Variants in HPGDS observed in about 807,000 individuals in gnomAD.
HPGDS encodes hematopoietic prostaglandin D synthase.
In HPGDS, 26 loss-of-function variants were observed where a neutral mutation model predicts 23.1. The observed-to-expected ratio is 1.13, with a 90% CI of 0.83 to 1.56. The LOEUF is 1.56. Ranked by LOEUF, HPGDS falls within the 40% of genes most tolerant of loss-of-function variation. The pLI, the probability that HPGDS is intolerant of heterozygous loss-of-function variation, is 0.00. For synonymous variants in HPGDS, 95 were observed against 77.9 expected (o/e 1.22, Z -1.16); for missense variants, 268 against 236.4 (o/e 1.13, Z -0.88).
chr4:94,340,618 G>C (rs11943935), intron 1 of HPGDS, among the ~76,000 whole-genome samples: 119,501 of 119,568 alleles, frequency 1, 59,719 homozygotes, highest in Middle Eastern at 1. Flanking sequence ...GGTTTACAGG[G>C]GTGAGCCACC....
intron 4 of HPGDS, among the ~76,000 whole-genome samples, chr4:94,304,612 C>G (rs1278149678): frequency 6.6e-6 from 1 of 152,066 alleles, no homozygotes; most frequent in Non-Finnish European, 1.5e-5. Context: ...AAATGAAATA[C>G]AGAACAGTGC....
chr4:94,333,882 C>T (rs570345557), intron 2 of HPGDS, among the ~76,000 whole-genome samples: 22 of 152,206 alleles, frequency 1.4e-4, no homozygotes, highest in African/African-American at 4.8e-4. Flanking sequence ...GTGTAAATTC[C>T]AATATCGGAA....
rs565862075 is a variant in HPGDS, at chr4:94,311,026, G to A, written c.227-2283C>T. 5.4e-4 allele frequency among the ~76,000 whole-genome samples: 82 copies of A among 152,292 alleles called. 1 individual carries two copies. The highest frequency in any genetic ancestry group is 1.9e-3 in the African/African-American group (78 of 41,556). On this transcript the variant is annotated intron_variant, in intron 3 of 5. Transcript: ENST00000295256. ...TGCTGAAGTTGCTTATCAGCTTAAGGAGATTTTTGGCTGAGATGATGGGGT... is the reference window on the plus strand; with the variant it reads ...TGCTGAAGTTGCTTATCAGCTTAAGAAGATTTTTGGCTGAGATGATGGGGT...
chr4:94,318,744 G>A lies in HPGDS; in HGVS notation c.134-779C>T, dbSNP rs11737482. Among the ~76,000 whole-genome samples the A allele has an allele frequency of 6.7e-3, 1,010 of 151,828 alleles. 7 individuals carry two copies. The highest frequency in any genetic ancestry group is 0.012 in the Non-Finnish European group (785 of 67,918). The stretch of plus-strand genomic sequence containing the variant: ...AAAATTTTTTTTGAGGTGGAGTCTC[G>A]GTCTGTCACTGAGGCTGGAGTGCAG... On this transcript the variant is annotated intron_variant, in intron 2 of 5. Coordinates refer to ENST00000295256, the MANE Select transcript of HPGDS (RefSeq NM_014485.3).
chr4:94,313,861 T>C (rs542964000), intron 3 of HPGDS, among the ~76,000 whole-genome samples: 124 of 152,322 alleles, frequency 8.1e-4, no homozygotes, highest in African/African-American at 2.5e-3. Context: ...TTCTCTAAAC[T>C]TCTCTTCTTG....
At chr4:94,337,163 C>T (rs1721037764) in intron 1 of HPGDS, among the ~76,000 whole-genome samples, 1 of 151,988 alleles carries the variant, frequency 6.6e-6, no homozygotes, top group Non-Finnish European at 1.5e-5. Context: ...TGGGGTTTCA[C>T]TTATGTTGGC....
chr4:94,305,526 C>T (rs2126035445), intron 4 of HPGDS, among the ~76,000 whole-genome samples: 1 of 152,156 alleles, frequency 6.6e-6, no homozygotes, highest in Non-Finnish European at 1.5e-5. Flanking sequence ...TAAATATGTG[C>T]TTAAGTAAAT....
At chr4:94,325,725 C>A (rs1449684917) in intron 2 of HPGDS, among the ~76,000 whole-genome samples, 1 of 152,196 alleles carries the variant, frequency 6.6e-6, no homozygotes. Flanking sequence ...AATCCCTCAA[C>A]CCCCTGTGCT....
intron 3 of HPGDS, among the ~76,000 whole-genome samples, chr4:94,309,613 A>C (rs966374818): frequency 5.3e-5 from 8 of 152,112 alleles, no homozygotes; most frequent in Admixed American, 5.2e-4. Flanking sequence ...TCTTTATAGC[A>C]GCATGATTTA....
intron 3 of HPGDS, among the ~76,000 whole-genome samples, chr4:94,313,707 C>G (rs1424669626): frequency 6.6e-6 from 1 of 152,176 alleles, no homozygotes; most frequent in Non-Finnish European, 1.5e-5. Context: ...TGGGGAAGTT[C>G]TCCTGGATAA....
intron 2 of HPGDS, 74 bp from the exon 3 acceptor site, chr4:94,318,039 A>G: frequency 1.2e-6 from 1 of 811,028 alleles, no homozygotes; most frequent in Non-Finnish European, 2.1e-6. Context: ...TTTACTGATC[A>G]TCGTGAAAAC....
chr4:94,299,542 T>C lies in HPGDS; in HGVS notation c.538A>G (p.Lys180Glu), dbSNP rs775626835. 3.1e-6 allele frequency: 5 copies of C among 1,614,050 alleles called. No homozygotes were observed. The highest frequency in any genetic ancestry group is 1.7e-5 in the Admixed American group (1 of 60,012). Reference sequence around the variant, plus strand: ...GCGACGGCAGGAATGGCTTGGACTTTCTTCCGTAAAGTCACCAGCCTTGGA... The same window carrying C: ...GCGACGGCAGGAATGGCTTGGACTTCCTTCCGTAAAGTCACCAGCCTTGGA... ...NHPRLVTLRK[K>E]VQAIPAVANW... is the part of the protein sequence containing the mutation. Residue 180 changes from lysine to glutamate, a missense_variant, in exon 6 of 6, where the codon AAA (lysine) becomes GAA (glutamate). Physicochemically the swap from Lys to Glu is moderately conservative, Grantham distance 56. Transcript: ENST00000295256.
chr4:94,302,929 G>A (rs1442493141), intron 4 of HPGDS, among the ~76,000 whole-genome samples: 5 of 151,936 alleles, frequency 3.3e-5, no homozygotes, highest in Admixed American at 6.6e-5. Flanking sequence ...AAGCTCTGAA[G>A]ACCAAATAAT....
intron 3 of HPGDS, among the ~76,000 whole-genome samples, chr4:94,317,114 G>GCC (rs1486113198): frequency 0.011 from 1,610 of 152,238 alleles, 23 homozygotes; most frequent in African/African-American, 0.036. Flanking sequence ...CTATGTATGT[G>GCC]TCTATGGCTT....
At chr4:94,319,973 C>T (rs1286928070) in intron 2 of HPGDS, among the ~76,000 whole-genome samples, 2 of 152,140 alleles carry the variant, frequency 1.3e-5, no homozygotes, top group Non-Finnish European at 2.9e-5. Context: ...CAAGTGTTCT[C>T]ATTGTTCAGT....
intron 2 of HPGDS, among the ~76,000 whole-genome samples, chr4:94,325,478 C>T (rs187754097): frequency 2.0e-5 from 3 of 152,288 alleles, no homozygotes; most frequent in African/African-American, 7.2e-5. Context: ...CCTACTCAAG[C>T]CTCAGCCATG....
rs200468861 is a variant in HPGDS at position 94,302,118 on chromosome 4, A to C, written c.435+28T>G. ...ATTGGTTTGTCCTTTTATTTGCTTG[A>C]ATTTTTTAAGATATAAAACATACTC... On this transcript the variant is annotated intron_variant, in intron 5 of 5. Transcript: ENST00000295256. 51 of 1,527,358 alleles carry C rather than the reference A, an allele frequency of 3.3e-5. 1 individual carries two copies. In the Middle Eastern group the frequency reaches 5.1e-4, roughly 15 times the overall value. 94.6% of individuals were successfully genotyped at this position (1,527,358 alleles called of 1,614,324 possible).
At chr4:94,312,137 C>T (rs1161788160) in intron 3 of HPGDS, among the ~76,000 whole-genome samples, 1 of 152,060 alleles carries the variant, frequency 6.6e-6, no homozygotes, top group Non-Finnish European at 1.5e-5. Flanking sequence ...TCTCTATCTC[C>T]TTCAGTTCTG....
At chr4:94,340,314 T>TA (rs1560598045) in intron 1 of HPGDS, among the ~76,000 whole-genome samples, 1 of 11,086 alleles carries the variant, frequency 9.0e-5, no homozygotes, top group Non-Finnish European at 1.7e-4. Context: ...TCTTTCTCTT[T>TA]TTTTTTTTTT....
Sources: allele counts gnomAD v4.1 joint callset (sites outside exome capture counted in the v4.1 genomes callset), GRCh38; gene constraint gnomAD v4.1.1; transcripts MANE v1.5; gene names NCBI Gene and HGNC (gene_info 2026-07-23, HGNC 2026-07-21).